MPPE1: variants seen among roughly 807,000 people sequenced by gnomAD.
The protein encoded by MPPE1 is metallophosphoesterase 1, also known as metallo phosphoesterase.
MPPE1 carries 28 observed loss-of-function variants against 43.8 expected under a neutral mutation model. The observed-to-expected ratio is 0.64, with a 90% CI of 0.47 to 0.88. The LOEUF is 0.88. Among genes scored for constraint, MPPE1 ranks in the 40% least tolerant of loss-of-function variants. The pLI, the probability that MPPE1 is intolerant of heterozygous loss-of-function variation, is 0.00. For synonymous variants in MPPE1, 159 were observed against 188.5 expected, an observed-to-expected ratio of 0.84 and a Z score of 1.28; for missense variants, 428 against 492.2, an observed-to-expected ratio of 0.87 and a Z score of 1.23.
At chr18:11,893,932 C>G (rs2038284549) in intron 3 of MPPE1, among the ~76,000 whole-genome samples, 1 of 152,158 alleles carries the variant, frequency 6.6e-6, no homozygotes, top group South Asian at 2.1e-4. Context: ...GATTTTGTAC[C>G]ACACAGAGGA....
chr18:11,892,342 A>T (rs2038083494), intron 4 of MPPE1, among the ~76,000 whole-genome samples: 1 of 145,690 alleles, frequency 6.9e-6, no homozygotes, highest in African/African-American at 2.6e-5. Flanking sequence ...TCCATCCCCC[A>T]TAGCACCAAA....
At chr18:11,890,005 C>G (rs146686483) in intron 4 of MPPE1, among the ~76,000 whole-genome samples, 18 of 151,096 alleles carry the variant, frequency 1.2e-4, no homozygotes, top group Admixed American at 4.0e-4. Context: ...TGCAGTGGCA[C>G]GATCTCGGCT....
chr18:11,885,296 G>A (rs780102317), intron 10 of MPPE1: 5 of 280,722 alleles, frequency 1.8e-5, no homozygotes, highest in Non-Finnish European at 3.5e-5. Context: ...AAGCTGCAGC[G>A]TTCTCTGCCA....
At position 11,887,035 on chromosome 18, in the gene MPPE1, A is replaced by G; in HGVS notation, c.570-10T>C. ...GTTGACCATCACAAAGCTGAAGCGGAGGGAAACGCAGGTGAGGCCGCTGGG... is the reference window on the plus strand; with the variant it reads ...GTTGACCATCACAAAGCTGAAGCGGGGGGAAACGCAGGTGAGGCCGCTGGG... On this transcript the variant is annotated splice_polypyrimidine_tract_variant and intron_variant, in intron 6 of 10. Transcript: ENST00000588072. 1 of 1,600,422 alleles carries G rather than the reference A, an allele frequency of 6.2e-7. No homozygotes were observed. The highest frequency in any genetic ancestry group is 8.6e-7 in the Non-Finnish European group (1 of 1,169,344).
In MPPE1 at chr18:11,890,178, A is replaced by G. The variant is rs540686345; in HGVS notation, c.391-688T>C. 8.5e-3 allele frequency among the ~76,000 whole-genome samples: 1,205 copies of G among 141,346 alleles called. 16 individuals are homozygous for G. Among genetic ancestry groups the G allele is most frequent in the African/African-American group, 0.023 (896 of 38,348 alleles). 92.7% of individuals were successfully genotyped at this position (141,346 alleles called of 152,430 possible). A position where few individuals can be genotyped will look rare whatever the true frequency, so the allele number is the denominator to read the frequency against. On this transcript the variant is annotated intron_variant, in intron 4 of 10. Coordinates refer to ENST00000588072, the MANE Select transcript of MPPE1 (RefSeq NM_023075.6). Reference sequence around the variant, plus strand: ...AGGATGGTCGCGATCTCCTGACCTCATGATCCGCCCGCCTCGGCCTCCCAA... The same window carrying G: ...AGGATGGTCGCGATCTCCTGACCTCGTGATCCGCCCGCCTCGGCCTCCCAA...
In MPPE1 at chr18:11,889,440, AC is replaced by A; in HGVS notation, c.440del (p.Ser147IlefsTer5). The A allele has an allele frequency of 1.9e-6, 3 of 1,613,432 alleles. No homozygotes were observed. The highest frequency in any genetic ancestry group is 2.5e-6 in the Non-Finnish European group (3 of 1,179,714). ...ERFQKMFRHP[S>X]HVQLKVVAGN... ...CAGCAACTACCTTCAGCTGTACATG[AC>A]TTGGGTGTCTGAACATTTTCTGAAA... On this transcript the variant is annotated frameshift_variant, in exon 5 of 11. Coordinates refer to ENST00000588072, the MANE Select transcript of MPPE1 (RefSeq NM_023075.6). LOFTEE classifies it high-confidence loss of function.
chr18:11,889,322 C>G, intron 5 of MPPE1, 65 bp downstream of exon 5: 1 of 1,061,764 alleles, frequency 9.4e-7, no homozygotes, highest in Non-Finnish European at 1.4e-6. Flanking sequence ...CACCTGAATT[C>G]CAACAGATTT....
Position 11,883,007 on chromosome 18 carries a change from C to T in MPPE1, c.*1438G>A, listed in dbSNP as rs1222072822. The T allele has an allele frequency of 6.6e-6, 1 of 151,988 alleles. No homozygotes were observed. The highest frequency in any genetic ancestry group is 2.4e-5 in the African/African-American group (1 of 41,364). 9.4% of individuals were successfully genotyped at this position (151,988 alleles called of 1,614,324 possible). A position where few individuals can be genotyped will look rare whatever the true frequency, so the allele number is the denominator to read the frequency against. On this transcript the variant is annotated 3_prime_UTR_variant, in exon 11 of 11. Transcript: ENST00000588072. ...AAGATGTCCAAAGTTAAATTTTCAACAATACAAATCTAGAGAAGTGACAGC... is the reference window on the plus strand; with the variant it reads ...AAGATGTCCAAAGTTAAATTTTCAATAATACAAATCTAGAGAAGTGACAGC...
intron 2 of MPPE1, among the ~76,000 whole-genome samples, chr18:11,903,535 G>A (rs189481902): frequency 0.012 from 1,860 of 152,148 alleles, 22 homozygotes; most frequent in Non-Finnish European, 0.019. Flanking sequence ...GGCTGGGCAC[G>A]GTGGCTCACG....
intron 4 of MPPE1, chr18:11,891,133 A>G (rs2038898382): frequency 2.0e-5 from 3 of 152,360 alleles, no homozygotes; most frequent in South Asian, 4.1e-4. Context: ...TATGCTGGAT[A>G]GAGTCCTTGA....
chr18:11,890,466 T>C (rs973442242), intron 4 of MPPE1, among the ~76,000 whole-genome samples: 26 of 152,136 alleles, frequency 1.7e-4, no homozygotes, highest in Admixed American at 1.4e-3. Flanking sequence ...TGTACCACCA[T>C]GCCCAGCTAA....
rs776091299 is a variant in MPPE1 at position 11,885,828 on chromosome 18, C to T, written c.868-12G>A. ...AGCCACCACAGCAGCTGACAGTGGC[C>T]GAGAAGACAGCAAAGCAGGCTGTTA... On this transcript the variant is annotated splice_polypyrimidine_tract_variant and intron_variant, in intron 9 of 10. Transcript: ENST00000588072. 3.1e-6 allele frequency: 5 copies of T among 1,596,350 alleles called. No individual in the cohort carries two copies. Among genetic ancestry groups the T allele is most frequent in the African/African-American group, 1.3e-5 (1 of 74,558 alleles).
intron 3 of MPPE1, 37 bp downstream of exon 3, chr18:11,896,947 A>G: frequency 6.3e-7 from 1 of 1,587,414 alleles, no homozygotes; most frequent in Non-Finnish European, 8.6e-7. Flanking sequence ...CGTTTTGCCT[A>G]CAGAATTTTA....
At chr18:11,906,854 CA>C (rs56796280) in intron 1 of MPPE1, among the ~76,000 whole-genome samples, 1,985 of 114,988 alleles carry the variant, frequency 0.017, 46 homozygotes, top group African/African-American at 0.049. Flanking sequence ...AACTCCGTCT[CA>C]AAAAAAAAAA....
In MPPE1 at chr18:11,893,517, A is replaced by G; in HGVS notation, c.341T>C (p.Val114Ala). 1 of 1,614,146 alleles carries G rather than the reference A, an allele frequency of 6.2e-7. No homozygotes were observed. Among genetic ancestry groups the G allele is most frequent in the Non-Finnish European group, 8.5e-7 (1 of 1,180,020 alleles). ...ATCAAAGATATCCCCCAGGATGAAGACGACTTCCGGCTGCAGCAACCACAG... is the reference window on the plus strand; with the variant it reads ...ATCAAAGATATCCCCCAGGATGAAGGCGACTTCCGGCTGCAGCAACCACAG... ...TALWLLQPEV[V>A]FILGDIFDEG... Residue 114 changes from valine to alanine, a missense_variant, in exon 4 of 11, where the codon GTC becomes GCC. This residue lies in a region of MPPE1 where 379 missense variants were observed against 402.5 expected (regional missense o/e 0.94). Coordinates refer to ENST00000588072, the MANE Select transcript of MPPE1 (RefSeq NM_023075.6).
chr18:11,889,574 C>CT (rs892187492), intron 4 of MPPE1, 84 bp from the exon 5 acceptor site: 160 of 1,079,630 alleles, frequency 1.5e-4, no homozygotes, highest in Middle Eastern at 4.2e-4. Flanking sequence ...TTTTGTTTTG[C>CT]TTTTTTTTGA....
In MPPE1 at chr18:11,887,043, G is replaced by A. The variant is rs757110538; in HGVS notation, c.570-18C>T. 14 of 1,583,410 alleles carry A rather than the reference G, an allele frequency of 8.8e-6. No homozygotes were observed. Among genetic ancestry groups the A allele is most frequent in the East Asian group, 2.2e-5 (1 of 44,454 alleles). On this transcript the variant is annotated intron_variant, in intron 6 of 10. Transcript: ENST00000588072. Reference sequence around the variant, plus strand: ...TCACAAAGCTGAAGCGGAGGGAAACGCAGGTGAGGCCGCTGGGGGTATCAG... The same window carrying A: ...TCACAAAGCTGAAGCGGAGGGAAACACAGGTGAGGCCGCTGGGGGTATCAG...
rs1177437704 is a variant in MPPE1, at chr18:11,883,268, A to G, written c.*1177T>C. The G allele has an allele frequency of 2.0e-5, 3 of 152,256 alleles. No individual in the cohort carries two copies. The highest frequency in any genetic ancestry group is 6.5e-5 in the Admixed American group (1 of 15,280). 9.4% of individuals were successfully genotyped at this position (152,256 alleles called of 1,614,324 possible). A position where few individuals can be genotyped will look rare whatever the true frequency, so the allele number is the denominator to read the frequency against. Reference sequence around the variant, plus strand: ...AAAGCCCTCAGCTGAACTAAGATAAATAATACAATGGAAATTATTTTCAGT... The same window carrying G: ...AAAGCCCTCAGCTGAACTAAGATAAGTAATACAATGGAAATTATTTTCAGT... On this transcript the variant is annotated 3_prime_UTR_variant, in exon 11 of 11. Transcript: ENST00000588072.
In MPPE1 at chr18:11,889,400, C is replaced by G; in HGVS notation, c.481G>C (p.Gly161Arg). ...LKVVAGNHDI[G>R]FHYEMNTYKV... The stretch of plus-strand genomic sequence containing the variant: ...TGAACTACTTACTCATAATGGAAGC[C>G]AATGTCATGGTTTCCAGCAACTACC... Residue 161 changes from glycine to arginine, a missense_variant, in exon 5 of 11, where the codon GGC becomes CGC. Coordinates refer to ENST00000588072, the MANE Select transcript of MPPE1 (RefSeq NM_023075.6). 1 of 1,610,966 alleles carries G rather than the reference C, an allele frequency of 6.2e-7. No homozygotes were observed. Among genetic ancestry groups the G allele is most frequent in the Non-Finnish European group, 8.5e-7 (1 of 1,178,126 alleles).
Sources: gnomAD v4.1 joint callset for allele counts (sites outside exome capture counted in the v4.1 genomes callset) on GRCh38, gnomAD v4.1.1 for gene constraint, gnomAD v4.1.1 regional missense constraint, MANE v1.5 for transcripts, NCBI Gene and HGNC (gene_info 2026-07-23, HGNC 2026-07-21) for gene names.